Variants in PYY observed in about 807,000 individuals in gnomAD.
PYY encodes the protein peptide tyrosine tyrosine.
A neutral mutation model predicts 10.3 loss-of-function variants in PYY; 12 were observed. The observed-to-expected ratio is 1.17, with a 90% CI of 0.75 to 1.89. The LOEUF is 1.89. PYY is among the 40% of genes most tolerant of loss of function. The pLI, the probability that PYY is intolerant of heterozygous loss-of-function variation, is 0.00. For missense variants in PYY, 141 were observed against 134.0 expected, an observed-to-expected ratio of 1.05 and a Z score of -0.26; for synonymous variants, 66 against 62.0, an observed-to-expected ratio of 1.06 and a Z score of -0.30.
At chr17:43,986,842 C>T (rs7502526) in intron 1 of PYY, among the ~76,000 whole-genome samples, 1 of 152,196 alleles carries the variant, frequency 6.6e-6, no homozygotes, top group Non-Finnish European at 1.5e-5. Context: ...TTTGGGATCC[C>T]AACTCTAACT....
At chr17:43,967,038 C>T (rs1332349609) in intron 1 of PYY, among the ~76,000 whole-genome samples, 1 of 152,204 alleles carries the variant, frequency 6.6e-6, no homozygotes, top group Non-Finnish European at 1.5e-5. Context: ...CGCGGTGGCT[C>T]ACACCTCTAA....
At chr17:43,995,255 G>A (rs1284105126) in intron 1 of PYY, among the ~76,000 whole-genome samples, 2 of 152,162 alleles carry the variant, frequency 1.3e-5, no homozygotes, top group Non-Finnish European at 2.9e-5. Context: ...TCTCCTATCC[G>A]CACATTAACT....
intron 1 of PYY, among the ~76,000 whole-genome samples, chr17:43,992,418 T>G (rs1377272707): frequency 6.6e-6 from 1 of 151,700 alleles, no homozygotes; most frequent in Non-Finnish European, 1.5e-5. Flanking sequence ...CCGTCTCTAC[T>G]AAAAATACAA....
chr17:43,953,129 C>T lies in PYY; in HGVS notation c.249G>A (p.Glu83=), dbSNP rs944752970. ...LLSKTFFPDG[E]DRPVRSRSEG... ...TTTACCGCGACCTGACGGGGCGGTC[C>T]TCGCCGTCGGGGAAGAACGTTTTGG... Residue 83 remains glutamate (E), a synonymous_variant, in exon 3 of 4, where the codon GAG becomes GAA. Coordinates refer to ENST00000692052, the MANE Select transcript of PYY (RefSeq NM_001394028.1). 1 of 1,613,870 alleles carries T rather than the reference C, an allele frequency of 6.2e-7. No individual in the cohort carries two copies. The highest frequency in any genetic ancestry group is 8.5e-7 in the Non-Finnish European group (1 of 1,179,924).
intron 1 of PYY, among the ~76,000 whole-genome samples, chr17:43,976,225 A>ATG (rs1330574092): frequency 3.7e-5 from 4 of 107,172 alleles, no homozygotes; most frequent in African/African-American, 1.7e-4. Context: ...ATGTATACAT[A>ATG]TATACATATG....
At chr17:43,972,274 C>T (rs532986595) in intron 1 of PYY, among the ~76,000 whole-genome samples, 2 of 151,090 alleles carry the variant, frequency 1.3e-5, no homozygotes, top group South Asian at 2.1e-4. Context: ...AGTGCAGTGG[C>T]GTGATCTTGG....
intron 1 of PYY, among the ~76,000 whole-genome samples, chr17:44,002,254 A>G (rs148237774): frequency 6.6e-6 from 1 of 152,298 alleles, no homozygotes; most frequent in Non-Finnish European, 1.5e-5. Flanking sequence ...GAAACGGGTA[A>G]GCGCACTCAC....
At chr17:43,953,525 A>G (rs766283944) in intron 1 of PYY, 42 bp from the exon 2 acceptor site, 1 of 1,507,048 alleles carries the variant, frequency 6.6e-7, no homozygotes, top group Non-Finnish European at 8.9e-7. Context: ...CCAAGCCTCG[A>G]CCCTACACGG....
chr17:43,990,302 A>C (rs1211512704), intron 1 of PYY, among the ~76,000 whole-genome samples: 1 of 151,784 alleles, frequency 6.6e-6, no homozygotes. Flanking sequence ...AGCCAGGCAC[A>C]GTGGCACACA....
At chr17:43,994,760 T>G (rs1313053974) in intron 1 of PYY, among the ~76,000 whole-genome samples, 1 of 151,878 alleles carries the variant, frequency 6.6e-6, no homozygotes, top group African/African-American at 2.4e-5. Context: ...GCACCCTCAC[T>G]CCCCCACCCA....
At chr17:43,991,705 T>C (rs1340373430) in intron 1 of PYY, among the ~76,000 whole-genome samples, 1 of 150,296 alleles carries the variant, frequency 6.7e-6, no homozygotes, top group Non-Finnish European at 1.5e-5. Flanking sequence ...ATGCCCATAG[T>C]CCCAGCTACC....
intron 1 of PYY, among the ~76,000 whole-genome samples, chr17:43,995,661 C>A (rs1406197343): frequency 6.6e-6 from 1 of 151,366 alleles, no homozygotes; most frequent in African/African-American, 2.4e-5. Flanking sequence ...TGGTGAAACC[C>A]CGTCTCTACT....
intron 2 of PYY, among the ~76,000 whole-genome samples, chr17:43,960,829 G>A (rs1212982903): frequency 7.1e-6 from 1 of 140,428 alleles, no homozygotes; most frequent in Non-Finnish European, 1.5e-5. Context: ...CAACCTGGGT[G>A]ATAGAGTAAG....
intron 1 of PYY, among the ~76,000 whole-genome samples, chr17:43,993,091 A>G (rs1445053226): frequency 6.6e-6 from 1 of 152,208 alleles, no homozygotes. Context: ...AGGAGGGTGG[A>G]ATGCTTGAGC....
At chr17:43,995,662 C>T (rs773063587) in intron 1 of PYY, among the ~76,000 whole-genome samples, 17 of 151,562 alleles carry the variant, frequency 1.1e-4, no homozygotes, top group South Asian at 2.1e-4. Flanking sequence ...GGTGAAACCC[C>T]GTCTCTACTA....
chr17:43,985,977 C>A (rs759960082), intron 1 of PYY, among the ~76,000 whole-genome samples: 10 of 152,116 alleles, frequency 6.6e-5, no homozygotes, highest in Non-Finnish European at 1.2e-4. Flanking sequence ...AAAATGTTGG[C>A]CAGGCGCGGT....
intron 2 of PYY, among the ~76,000 whole-genome samples, chr17:43,963,813 C>T (rs146438859): frequency 5.4e-5 from 8 of 147,418 alleles, no homozygotes; most frequent in Non-Finnish European, 1.2e-4. Context: ...ACCAAAAATA[C>T]AAAAAAAAAA....
chr17:43,982,871 GT>G lies in PYY; in HGVS notation c.-462-16340del, dbSNP rs2048892370. ...CTTCAGATGACCTTTGGTAAGGGGT[GT>G]TCTAAGGAGAAGGAGGAAAGTGGTG... On this transcript the variant is annotated intron_variant, in intron 1 of 6. Coordinates refer to the PYY transcript ENST00000360085. Among the ~76,000 whole-genome samples the G allele has an allele frequency of 2.0e-5, 3 of 152,174 alleles. No homozygotes were observed. The South Asian group carries it at 6.2e-4, about 32-fold the overall frequency.
At chr17:44,002,581 A>G (rs1004374593) in intron 1 of PYY, among the ~76,000 whole-genome samples, 1 of 152,260 alleles carries the variant, frequency 6.6e-6, no homozygotes, top group African/African-American at 2.4e-5. Context: ...GCACATGGAC[A>G]CAGTATGAAG....
Sources: allele counts gnomAD v4.1 joint callset (sites outside exome capture counted in the v4.1 genomes callset), GRCh38; gene constraint gnomAD v4.1.1; transcripts MANE v1.5; gene names NCBI Gene and HGNC (gene_info 2026-07-23, HGNC 2026-07-21).